Variants in PTPRN2 observed in about 807,000 individuals in gnomAD.
The protein encoded by PTPRN2 is receptor-type tyrosine-protein phosphatase N2.
PTPRN2 carries 74 observed loss-of-function variants against 118.8 expected under a neutral mutation model. The observed-to-expected ratio is 0.62, with a 90% confidence interval of 0.52 to 0.76. PTPRN2 has a LOEUF of 0.76. Ranked by LOEUF, PTPRN2 falls within the 30% of genes least tolerant of loss-of-function variation. The pLI, the probability that PTPRN2 is intolerant of heterozygous loss-of-function variation, is 0.00. For missense variants in PTPRN2, 1,481 were observed against 1,394.4 expected, an observed-to-expected ratio of 1.06 and a Z score of -0.99; for synonymous variants, 641 against 608.0, an observed-to-expected ratio of 1.05 and a Z score of -0.80.
intron 3 of PTPRN2, among the ~76,000 whole-genome samples, chr7:158,215,124 A>G (rs1585872233): frequency 6.6e-6 from 1 of 152,242 alleles, no homozygotes; most frequent in African/African-American, 2.4e-5. Context: ...AATTATGAAC[A>G]CACTTGAAAC....
intron 11 of PTPRN2, among the ~76,000 whole-genome samples, chr7:158,056,414 C>T (rs1257474538): frequency 6.6e-6 from 1 of 152,232 alleles, no homozygotes; most frequent in Non-Finnish European, 1.5e-5. Flanking sequence ...TCTCCGTCCT[C>T]CCATGAGCCC....
rs1305928756 is a variant in PTPRN2 at position 158,192,461 on chromosome 7, A to G, written c.415T>C (p.Tyr139His). Residue 139 changes from tyrosine to histidine, a missense_variant, in exon 5 of 23, where the codon TAC becomes CAC. By Grantham distance (83) the Tyr-to-His change is moderately conservative (BLOSUM62 2). Transcript: ENST00000389418. Reference sequence around the variant, plus strand: ...AGGGCAGCACCGCCCTCCCGACTGTACCTCCTCTCGCTGCCAACGCTGTGT... The same window carrying G: ...AGGGCAGCACCGCCCTCCCGACTGTGCCTCCTCTCGCTGCCAACGCTGTGT... ...SKHSVGSERR[Y>H]SREGGAALAN... The G allele has an allele frequency of 6.3e-7, 1 of 1,577,086 alleles. No individual in the cohort carries two copies. Among genetic ancestry groups the G allele is most frequent in the East Asian group, 2.4e-5 (1 of 42,382 alleles).
chr7:158,553,158 C>T (rs1397257657), intron 1 of PTPRN2, among the ~76,000 whole-genome samples: 3 of 151,340 alleles, frequency 2.0e-5, no homozygotes, highest in Admixed American at 6.6e-5. Context: ...TCTATACCAC[C>T]CTTCCTGTCT....
intron 3 of PTPRN2, among the ~76,000 whole-genome samples, chr7:158,311,553 T>C (rs1361514531): frequency 6.6e-6 from 1 of 152,248 alleles, no homozygotes; most frequent in Non-Finnish European, 1.5e-5. Context: ...ACAGTGAACG[T>C]ATTTTGTTCT....
chr7:158,131,597 AACAT>A (rs1246114040), intron 9 of PTPRN2, among the ~76,000 whole-genome samples: 2 of 140,950 alleles, frequency 1.4e-5, no homozygotes, highest in African/African-American at 5.5e-5. Context: ...CACACACACG[AACAT>A]ACAAACCAAT....
intron 2 of PTPRN2, among the ~76,000 whole-genome samples, chr7:158,327,251 A>T (rs556425392): frequency 1.3e-4 from 19 of 151,996 alleles, no homozygotes; most frequent in Non-Finnish European, 5.9e-5. Context: ...ATACATGCAC[A>T]CATTCTCACA....
chr7:158,107,311 G>T (rs577657208), intron 10 of PTPRN2, among the ~76,000 whole-genome samples: 3 of 152,226 alleles, frequency 2.0e-5, no homozygotes, highest in African/African-American at 7.2e-5. Context: ...AATCAAACCT[G>T]TTAGGAAGCT....
At chr7:157,612,355 A>G (rs1802409125) in intron 15 of PTPRN2, among the ~76,000 whole-genome samples, 1 of 152,192 alleles carries the variant, frequency 6.6e-6, no homozygotes, top group Admixed American at 6.5e-5. Context: ...CCGTCCATCG[A>G]CACTGATGAC....
chr7:158,414,632 G>A (rs551850749), intron 2 of PTPRN2, among the ~76,000 whole-genome samples: 37 of 152,298 alleles, frequency 2.4e-4, no homozygotes, highest in African/African-American at 8.2e-4. Context: ...CCGCTTCCAC[G>A]GCCCAAAAAG....
At position 158,003,813 on chromosome 7, in the gene PTPRN2, G is replaced by A. The variant is rs909652657; in HGVS notation, c.1723+77485C>T. 3.9e-5 allele frequency among the ~76,000 whole-genome samples: 6 copies of A among 152,180 alleles called. No individual in the cohort carries two copies. Among genetic ancestry groups the A allele is most frequent in the African/African-American group, 7.2e-5 (3 of 41,448 alleles). ...AACACGCCAAGGCCAGTGGTAAAAC[G>A]GGCCTCTGCTTTTTTTAAAGAATAG... On this transcript the variant is annotated intron_variant, in intron 11 of 22. Coordinates refer to ENST00000389418, the MANE Select transcript of PTPRN2 (RefSeq NM_002847.5). This position sits in a 1 kb window ranked among gnomAD's most constrained non-coding sequence, Gnocchi z 5.0.
At chr7:158,034,553 A>C (rs1032382063) in intron 11 of PTPRN2, among the ~76,000 whole-genome samples, 12 of 152,298 alleles carry the variant, frequency 7.9e-5, no homozygotes, top group African/African-American at 2.6e-4. Flanking sequence ...CATGATTGTG[A>C]GGCCTCCCCA....
intron 13 of PTPRN2, among the ~76,000 whole-genome samples, chr7:157,680,447 T>C (rs1008057439): frequency 5.3e-5 from 8 of 152,270 alleles, no homozygotes; most frequent in Non-Finnish European, 1.2e-4. Context: ...AAGTGAGATA[T>C]GGATACGTTA....
intron 12 of PTPRN2, among the ~76,000 whole-genome samples, chr7:157,744,259 T>C (rs10252538): frequency 0.045 from 6,847 of 152,196 alleles, 481 homozygotes; most frequent in African/African-American, 0.15. Flanking sequence ...GGGGGTCAGC[T>C]GGCCTCAACG....
intron 1 of PTPRN2, among the ~76,000 whole-genome samples, chr7:158,499,471 C>G (rs984855258): frequency 6.6e-6 from 1 of 152,220 alleles, no homozygotes; most frequent in South Asian, 2.1e-4. Context: ...CTTCATCACC[C>G]GGATAACAAA....
At chr7:158,473,780 A>G (rs950835264) in intron 2 of PTPRN2, among the ~76,000 whole-genome samples, 8 of 116,056 alleles carry the variant, frequency 6.9e-5, no homozygotes, top group Non-Finnish European at 1.4e-4. Flanking sequence ...GGGGAAAAAA[A>G]CATTTTAAAC....
At chr7:158,180,190 A>G (rs563695312) in intron 5 of PTPRN2, among the ~76,000 whole-genome samples, 59 of 152,364 alleles carry the variant, frequency 3.9e-4, no homozygotes, top group African/African-American at 1.4e-3. Context: ...ATTCTTCTAC[A>G]TGTGGCTATC....
chr7:158,271,894 G>A (rs780741591), intron 3 of PTPRN2, among the ~76,000 whole-genome samples: 2 of 150,350 alleles, frequency 1.3e-5, no homozygotes, highest in Admixed American at 1.3e-4. Context: ...GGCCTTGGGT[G>A]AGGATTTCCA....
chr7:158,549,288 C>T (rs1021455677), intron 1 of PTPRN2, among the ~76,000 whole-genome samples: 1 of 152,302 alleles, frequency 6.6e-6, no homozygotes, highest in East Asian at 1.9e-4. Flanking sequence ...ACCATCCACT[C>T]GGCAGGGGAC....
At chr7:158,150,068 A>G (rs1183010992) in intron 6 of PTPRN2, among the ~76,000 whole-genome samples, 1 of 152,202 alleles carries the variant, frequency 6.6e-6, no homozygotes, top group East Asian at 1.9e-4. Flanking sequence ...AAACAGAGTC[A>G]TCTGAGGGAA....
Sources: allele counts gnomAD v4.1 joint callset (sites outside exome capture counted in the v4.1 genomes callset), GRCh38; gene constraint gnomAD v4.1.1; non-coding constraint Gnocchi (gnomAD v3.1); transcripts MANE v1.5; gene names NCBI Gene and HGNC (gene_info 2026-07-23, HGNC 2026-07-21).